PCLO: variants seen among roughly 807,000 people sequenced by gnomAD.
PCLO encodes the protein protein piccolo.
A neutral mutation model predicts 427.5 loss-of-function variants in PCLO; 82 were observed. The ratio of observed to expected loss-of-function variants is 0.19; its 90% CI spans 0.16 to 0.23. The LOEUF (loss-of-function observed/expected upper bound fraction) is 0.23. Among genes scored for constraint, PCLO ranks in the 10% least tolerant of loss-of-function variants. PCLO has a pLI of 1.00. For synonymous variants in PCLO, 2,357 were observed against 2,155.4 expected (o/e 1.09, Z -2.59); for missense variants, 6,239 against 6,115.9 (o/e 1.02, Z -0.67).
intron 3 of PCLO, among the ~76,000 whole-genome samples, chr7:83,114,160 C>A (rs577870851): frequency 1.3e-5 from 2 of 152,094 alleles, no homozygotes; most frequent in African/African-American, 2.4e-5. Context: ...TTTTCCTTCA[C>A]TGAATAAACA....
rs550760891 is a variant in PCLO at position 82,902,867 on chromosome 7, A to G, written c.13438-126T>C. The G allele has an allele frequency of 1.8e-3, 1,086 of 590,278 alleles. 5 individuals carry two copies. Among genetic ancestry groups the G allele is most frequent in the Non-Finnish European group, 2.5e-3 (841 of 330,908 alleles). 36.6% of individuals were successfully genotyped at this position (590,278 alleles called of 1,614,324 possible). ...CAATGGAACGTAGTAGGAGATTCTCACATGATGGCAATTTAAACATCTTAC... is the reference window on the plus strand; with the variant it reads ...CAATGGAACGTAGTAGGAGATTCTCGCATGATGGCAATTTAAACATCTTAC... On this transcript the variant is annotated intron_variant, in intron 8 of 24. Coordinates refer to ENST00000333891, the MANE Select transcript of PCLO (RefSeq NM_033026.6).
Position 82,914,764 on chromosome 7 carries a change from C to T in PCLO, c.13222G>A (p.Glu4408Lys). The T allele has an allele frequency of 6.2e-7, 1 of 1,613,416 alleles. No individual in the cohort carries two copies. Among genetic ancestry groups the T allele is most frequent in the Non-Finnish European group, 8.5e-7 (1 of 1,179,656 alleles). ...CGGTCATAGCCTCGAGTCCGTGATT[C>T]TTCCCTCATGTGTTGCTGAACTTCA... ...LPEVQQHMREESRTRGYDRDI... is the reference protein window; with the variant it reads ...LPEVQQHMREKSRTRGYDRDI... Residue 4408 changes from glutamate (E) to lysine (K), a missense_variant, in exon 7 of 25, where the codon GAA becomes AAA. Coordinates refer to ENST00000333891, the MANE Select transcript of PCLO (RefSeq NM_033026.6).
chr7:82,771,103 T>C (rs918530904), intron 22 of PCLO, among the ~76,000 whole-genome samples: 3 of 151,938 alleles, frequency 2.0e-5, no homozygotes, highest in Admixed American at 6.6e-5. Context: ...GGTTAGATTT[T>C]ATTATAAAAT....
intron 3 of PCLO, among the ~76,000 whole-genome samples, chr7:82,967,197 C>CTTTTTTTTT (rs766172385): frequency 7.5e-6 from 1 of 133,186 alleles, no homozygotes; most frequent in African/African-American, 2.7e-5. Flanking sequence ...TTCTTCTTTT[C>CTTTTTTTTT]TTTTTTTTTT....
chr7:82,776,906 G>GTGTGTGTATATATAGATATA (rs1790765434), intron 22 of PCLO, among the ~76,000 whole-genome samples: 1 of 139,260 alleles, frequency 7.2e-6, no homozygotes, highest in Non-Finnish European at 1.6e-5. Flanking sequence ...ATAGATATAC[G>GTGTGTGTATATATAGATATA]CACACACACA....
chr7:82,964,785 C>T (rs1562887905), intron 4 of PCLO, among the ~76,000 whole-genome samples: 1 of 152,068 alleles, frequency 6.6e-6, no homozygotes, highest in African/African-American at 2.4e-5. Flanking sequence ...TCTGATCAAA[C>T]TCATTTAATG....
In PCLO at chr7:82,956,636, ATGG is replaced by A. The variant is rs766865568; in HGVS notation, c.4314_4316del (p.His1439del). On this transcript the variant is annotated inframe_deletion, in exon 5 of 25. Transcript: ENST00000333891. The stretch of plus-strand genomic sequence containing the variant: ...CTTTAGGCTGTTCAGGAGAAACTTC[ATGG>A]GGTTGTGTTTTCTTTTCTGACTTTT... 8.7e-6 allele frequency: 14 copies of A among 1,613,688 alleles called. No individual in the cohort carries two copies. The East Asian group carries it at 3.1e-4, about 36-fold the overall frequency.
intron 1 of PCLO, among the ~76,000 whole-genome samples, chr7:83,159,540 T>C (rs1287353439): frequency 6.6e-6 from 1 of 152,084 alleles, no homozygotes; most frequent in Non-Finnish European, 1.5e-5. Flanking sequence ...TAACTACTTA[T>C]ATTTAGTACT....
chr7:82,895,779 A>C (rs971351705), intron 9 of PCLO, among the ~76,000 whole-genome samples: 1 of 151,292 alleles, frequency 6.6e-6, no homozygotes, highest in Non-Finnish European at 1.5e-5. Flanking sequence ...AGAACATTTA[A>C]ATAGTCTTAT....
At chr7:83,137,080 T>C (rs1482477209) in intron 2 of PCLO, among the ~76,000 whole-genome samples, 3 of 152,138 alleles carry the variant, frequency 2.0e-5, no homozygotes, top group East Asian at 1.9e-4. Context: ...AAACAATATA[T>C]ATAAATAGAA....
intron 3 of PCLO, among the ~76,000 whole-genome samples, chr7:83,046,729 C>T (rs1257013678): frequency 6.6e-6 from 1 of 151,944 alleles, no homozygotes; most frequent in African/African-American, 2.4e-5. Context: ...ATATCCAAGG[C>T]CCCAAACATA....
intron 22 of PCLO, among the ~76,000 whole-genome samples, chr7:82,773,657 C>CA (rs1222077227): frequency 1.3e-5 from 2 of 151,610 alleles, no homozygotes; most frequent in Admixed American, 1.3e-4. Context: ...CCTTAACTGT[C>CA]ATGCTAGATG....
chr7:82,782,587 TA>T (rs1418361875), intron 22 of PCLO, among the ~76,000 whole-genome samples: 1 of 152,178 alleles, frequency 6.6e-6, no homozygotes, highest in Non-Finnish European at 1.5e-5. Flanking sequence ...ATTCTGGAAA[TA>T]GTTTTCATGT....
Position 82,950,673 on chromosome 7 carries a change from C to T in PCLO, c.9915G>A (p.Gln3305=). 1 of 1,613,822 alleles carries T rather than the reference C, an allele frequency of 6.2e-7. No homozygotes were observed. The highest frequency in any genetic ancestry group is 1.1e-5 in the South Asian group (1 of 91,078). Residue 3305 remains glutamine, a synonymous_variant, in exon 6 of 25, where the codon CAG becomes CAA. Transcript: ENST00000333891. The stretch of plus-strand genomic sequence containing the variant: ...GCCGAATCTTTTGCTCCTCCAGCTG[C>T]TGGTGAAGCTGTTGTTGCAGCTGTT... ...QIQQLQQQLH[Q]QLEEQKIRQI...
chr7:82,989,163 A>C (rs1796321367), intron 3 of PCLO, among the ~76,000 whole-genome samples: 1 of 152,102 alleles, frequency 6.6e-6, no homozygotes, highest in East Asian at 1.9e-4. Context: ...ATCTTTCTAA[A>C]GGAAAAAAAT....
intron 7 of PCLO, 49 bp from the exon 8 acceptor site, chr7:82,909,062 A>T (rs750601172): frequency 1.5e-5 from 24 of 1,593,642 alleles, no homozygotes; most frequent in Non-Finnish European, 2.0e-5. Flanking sequence ...AGTAATACAG[A>T]TGATTGAGGG....
At chr7:83,034,492 G>A (rs753202594) in intron 3 of PCLO, among the ~76,000 whole-genome samples, 2 of 152,150 alleles carry the variant, frequency 1.3e-5, no homozygotes, top group Non-Finnish European at 2.9e-5. Context: ...CTGGTCCCAT[G>A]CTGTTTTCTA....
At position 82,915,947 on chromosome 7, in the gene PCLO, T is replaced by G. The variant is rs770597071; in HGVS notation, c.12039A>C (p.Ile4013=). The change falls in exon 7 of 25, where the codon ATA becomes ATC. Residue 4013 remains isoleucine (I), a synonymous_variant. Transcript: ENST00000333891. ...CCATGCTACTTCTTTCCTCCAAACC[T>G]ATTCTCAAGTCTAAACTATTGTACT... ...GSKYNSLDLR[I]GLEERSSMAS... 6.2e-7 allele frequency: 1 copy of G among 1,613,024 alleles called. No homozygotes were observed.
At chr7:82,897,239 G>A (rs1793925912) in intron 9 of PCLO, among the ~76,000 whole-genome samples, 1 of 151,546 alleles carries the variant, frequency 6.6e-6, no homozygotes. Context: ...TCAACACAGA[G>A]ATTTATAATT....
Sources: gnomAD v4.1 joint callset for allele counts (sites outside exome capture counted in the v4.1 genomes callset) on GRCh38, gnomAD v4.1.1 for gene constraint, MANE v1.5 for transcripts, NCBI Gene and HGNC (gene_info 2026-07-23, HGNC 2026-07-21) for gene names.